The following STXBP6 variants were observed in gnomAD, a reference collection of about 807,000 sequenced individuals.
STXBP6 encodes the protein syntaxin binding protein 6, also known as syntaxin-binding protein 6.
STXBP6 carries 21 observed loss-of-function variants against 26.9 expected under a neutral mutation model. That is an observed-to-expected ratio of 0.78 (90% CI 0.55 to 1.12). The LOEUF is 1.12. Among genes scored for constraint, STXBP6 ranks in the 50% most tolerant of loss-of-function variants. STXBP6 has a pLI of 0.00. For missense variants in STXBP6, 232 were observed against 257.9 expected (o/e 0.90, Z 0.69); for synonymous variants, 97 against 92.6 (o/e 1.05, Z -0.27).
At chr14:24,884,365 A>C (rs781733032) in intron 2 of STXBP6, among the ~76,000 whole-genome samples, 8 of 152,252 alleles carry the variant, frequency 5.3e-5, no homozygotes, top group Non-Finnish European at 7.3e-5. Context: ...TTCCTAATGG[A>C]AATTCAGAAA....
intron 1 of STXBP6, among the ~76,000 whole-genome samples, chr14:25,045,729 G>A (rs959923409): frequency 2.7e-5 from 4 of 150,826 alleles, no homozygotes; most frequent in South Asian, 4.2e-4. Flanking sequence ...TCAGCCTCCC[G>A]AGTAGCTGGT....
intron 2 of STXBP6, among the ~76,000 whole-genome samples, chr14:24,928,762 T>C (rs568564128): frequency 3.5e-4 from 54 of 152,330 alleles, no homozygotes; most frequent in African/African-American, 1.2e-3. Context: ...GATTTATTCA[T>C]TCCAAAGGTA....
chr14:24,909,720 T>A (rs922533954), intron 2 of STXBP6, among the ~76,000 whole-genome samples: 1 of 150,984 alleles, frequency 6.6e-6, no homozygotes, highest in Non-Finnish European at 1.5e-5. Context: ...TTACCAGATA[T>A]GAGAATTTTT....
At chr14:25,000,777 G>T (rs1394036509) in intron 1 of STXBP6, among the ~76,000 whole-genome samples, 1 of 151,016 alleles carries the variant, frequency 6.6e-6, no homozygotes, top group Non-Finnish European at 1.5e-5. Context: ...CGAGAAGGAA[G>T]GAATGCATGA....
At chr14:25,025,002 A>G (rs2075323783) in intron 1 of STXBP6, among the ~76,000 whole-genome samples, 1 of 152,194 alleles carries the variant, frequency 6.6e-6, no homozygotes, top group African/African-American at 2.4e-5. Context: ...TATTGCACAA[A>G]CTAATGCAAA....
intron 1 of STXBP6, among the ~76,000 whole-genome samples, chr14:24,984,126 G>T (rs8008156): frequency 6.6e-6 from 1 of 152,126 alleles, no homozygotes; most frequent in Non-Finnish European, 1.5e-5. Context: ...CAGCTACTTG[G>T]GGGGCTGAGG....
At chr14:24,814,650 T>C (rs2138677155) in intron 5 of STXBP6, among the ~76,000 whole-genome samples, 1 of 152,266 alleles carries the variant, frequency 6.6e-6, no homozygotes, top group East Asian at 1.9e-4. Flanking sequence ...TTTTGCTATT[T>C]GAGTATTGGC....
At chr14:24,831,955 C>T (rs1003012704) in intron 4 of STXBP6, among the ~76,000 whole-genome samples, 4 of 152,096 alleles carry the variant, frequency 2.6e-5, no homozygotes, top group African/African-American at 9.7e-5. Context: ...GCCTAGAAGC[C>T]ACGTTTGCTA....
intron 2 of STXBP6, among the ~76,000 whole-genome samples, chr14:24,921,344 T>TTA (rs2071970666): frequency 6.6e-6 from 1 of 152,132 alleles, no homozygotes; most frequent in Admixed American, 6.5e-5. Context: ...AACACTTTAA[T>TTA]AAGGTGCTTA....
At chr14:24,825,267 A>C (rs1041205139) in intron 4 of STXBP6, among the ~76,000 whole-genome samples, 2 of 152,158 alleles carry the variant, frequency 1.3e-5, no homozygotes, top group Non-Finnish European at 2.9e-5. Flanking sequence ...AAGTTAAAGG[A>C]GGAAAAATAA....
chr14:24,822,466 G>A (rs548267671), intron 4 of STXBP6, among the ~76,000 whole-genome samples: 1 of 152,178 alleles, frequency 6.6e-6, no homozygotes, highest in African/African-American at 2.4e-5. Flanking sequence ...TTCCCTGAAA[G>A]ATTTATTCAA....
intron 2 of STXBP6, among the ~76,000 whole-genome samples, chr14:24,904,766 ACCTT>A (rs2071331003): frequency 6.6e-6 from 1 of 152,196 alleles, no homozygotes; most frequent in Non-Finnish European, 1.5e-5. Context: ...CAGCACCCTG[ACCTT>A]GGACTTCCAG....
chr14:24,967,770 A>G (rs1272444675), intron 2 of STXBP6, among the ~76,000 whole-genome samples: 2 of 152,230 alleles, frequency 1.3e-5, no homozygotes, highest in Non-Finnish European at 2.9e-5. Context: ...GAAATGAGAT[A>G]GAATGACACT....
At chr14:25,023,316 A>G (rs1294074354) in intron 1 of STXBP6, among the ~76,000 whole-genome samples, 2 of 152,188 alleles carry the variant, frequency 1.3e-5, no homozygotes, top group Non-Finnish European at 2.9e-5. Flanking sequence ...TTGAAAAAAA[A>G]AAAGCCCGTC....
At chr14:25,022,958 G>C (rs1487768240) in intron 1 of STXBP6, among the ~76,000 whole-genome samples, 1 of 152,146 alleles carries the variant, frequency 6.6e-6, no homozygotes, top group Non-Finnish European at 1.5e-5. Context: ...TATTGCAAGG[G>C]AAGATGGGGT....
intron 1 of STXBP6, among the ~76,000 whole-genome samples, chr14:25,034,179 C>G (rs1474714941): frequency 6.6e-6 from 1 of 152,116 alleles, no homozygotes; most frequent in Non-Finnish European, 1.5e-5. Context: ...TAATAATACC[C>G]AAACACTTAC....
At chr14:24,906,367 C>T (rs189926991) in intron 2 of STXBP6, among the ~76,000 whole-genome samples, 21 of 152,202 alleles carry the variant, frequency 1.4e-4, no homozygotes, top group South Asian at 4.2e-4. Context: ...GTCTTTTATA[C>T]GAGGCCATTT....
At chr14:24,940,024 C>T (rs2072747506) in intron 2 of STXBP6, among the ~76,000 whole-genome samples, 1 of 152,216 alleles carries the variant, frequency 6.6e-6, no homozygotes, top group African/African-American at 2.4e-5. Context: ...CATCACTGAC[C>T]TCCTGCACTG....
intron 2 of STXBP6, among the ~76,000 whole-genome samples, chr14:24,883,812 A>T (rs1468239302): frequency 6.6e-6 from 1 of 152,200 alleles, no homozygotes; most frequent in Non-Finnish European, 1.5e-5. Flanking sequence ...ATTCTTCTGC[A>T]AAAGCAAATG....
Sources: allele counts gnomAD v4.1 joint callset (sites outside exome capture counted in the v4.1 genomes callset), GRCh38; gene constraint gnomAD v4.1.1; transcripts MANE v1.5; gene names NCBI Gene and HGNC (gene_info 2026-07-23, HGNC 2026-07-21).